TBC1D22A: variants seen among roughly 807,000 people sequenced by gnomAD.
TBC1D22A encodes the protein putative GTPase activator.
Under a neutral mutation model 60.2 loss-of-function variants are expected in TBC1D22A, and 38 were observed. That is an observed-to-expected ratio of 0.63 (90% CI 0.49 to 0.83). TBC1D22A has a LOEUF of 0.83. Ranked by LOEUF, TBC1D22A falls within the 40% of genes least tolerant of loss-of-function variation. The pLI is 0.00. For missense variants in TBC1D22A, 628 were observed against 701.0 expected (o/e 0.90, Z 1.18); for synonymous variants, 302 against 281.7 (o/e 1.07, Z -0.72).
At chr22:46,851,186 G>T (rs2087259497) in intron 4 of TBC1D22A, among the ~76,000 whole-genome samples, 1 of 152,236 alleles carries the variant, frequency 6.6e-6, no homozygotes, top group African/African-American at 2.4e-5. Flanking sequence ...TGGCTTTGCC[G>T]TGGGATGTCC....
chr22:47,082,575 A>G (rs981187358), intron 11 of TBC1D22A, among the ~76,000 whole-genome samples: 3 of 152,272 alleles, frequency 2.0e-5, no homozygotes, highest in Admixed American at 6.5e-5. Flanking sequence ...GAAGGTTCAG[A>G]TAGACACTGC....
chr22:46,787,005 A>G (rs962558375), intron 1 of TBC1D22A, among the ~76,000 whole-genome samples: 6 of 152,024 alleles, frequency 3.9e-5, no homozygotes, highest in African/African-American at 1.2e-4. Flanking sequence ...GCCTCTTTCC[A>G]TGTTATGTAT....
intron 8 of TBC1D22A, among the ~76,000 whole-genome samples, chr22:46,960,984 C>T (rs1272750021): frequency 6.9e-6 from 1 of 145,970 alleles, no homozygotes; most frequent in East Asian, 2.0e-4. Flanking sequence ...AAAAGATACC[C>T]AGTCCGTAGC....
intron 4 of TBC1D22A, among the ~76,000 whole-genome samples, chr22:46,841,994 G>T (rs766549734): frequency 6.6e-5 from 10 of 152,138 alleles, no homozygotes; most frequent in African/African-American, 9.7e-5. Flanking sequence ...CATCTGTTAA[G>T]CTGGAAAAAA....
intron 1 of TBC1D22A, among the ~76,000 whole-genome samples, chr22:46,791,667 G>A (rs1601877238): frequency 1.3e-5 from 2 of 151,890 alleles, no homozygotes; most frequent in Admixed American, 6.6e-5. Flanking sequence ...AGAGGTTGAT[G>A]AGTCAACCAA....
At chr22:46,792,357 C>A (rs1379484215) in intron 1 of TBC1D22A, among the ~76,000 whole-genome samples, 163 bp from the exon 2 acceptor site, 1 of 152,116 alleles carries the variant, frequency 6.6e-6, no homozygotes, top group African/African-American at 2.4e-5. Flanking sequence ...TGAACTGGGC[C>A]CTCAGGACCC....
chr22:47,058,970 C>T (rs761632634), intron 11 of TBC1D22A, among the ~76,000 whole-genome samples: 1 of 152,210 alleles, frequency 6.6e-6, no homozygotes, highest in Non-Finnish European at 1.5e-5. Flanking sequence ...GACCAGTCAT[C>T]ATCACACAAG....
chr22:46,911,507 G>T (rs935143018), intron 7 of TBC1D22A, among the ~76,000 whole-genome samples: 3 of 152,206 alleles, frequency 2.0e-5, no homozygotes, highest in African/African-American at 7.2e-5. Flanking sequence ...GCGGGGTGTG[G>T]AGGAGCAGAG....
At chr22:47,114,451 G>A (rs1201036296) in intron 12 of TBC1D22A, among the ~76,000 whole-genome samples, 10 of 152,018 alleles carry the variant, frequency 6.6e-5, no homozygotes. Flanking sequence ...GTGAGTGAGG[G>A]GTTGGATGGA....
At chr22:46,800,321 A>G (rs2084841991) in intron 4 of TBC1D22A, among the ~76,000 whole-genome samples, 1 of 152,168 alleles carries the variant, frequency 6.6e-6, no homozygotes, top group Non-Finnish European at 1.5e-5. Context: ...GTTCGCCTAG[A>G]GCACCAGGTG....
At chr22:46,773,916 G>A (rs1439827305) in intron 1 of TBC1D22A, 1 of 985,282 alleles carries the variant, frequency 1.0e-6, no homozygotes, top group Non-Finnish European at 1.2e-6. Flanking sequence ...CAAAGCTGGG[G>A]TTTGAACCTT....
At chr22:46,898,905 C>G (rs2068830222) in intron 7 of TBC1D22A, among the ~76,000 whole-genome samples, 2 of 152,174 alleles carry the variant, frequency 1.3e-5, no homozygotes, top group South Asian at 4.1e-4. Flanking sequence ...TTTTGAAATT[C>G]AATTTCCTTT....
At chr22:46,838,736 G>T (rs533383061) in intron 4 of TBC1D22A, among the ~76,000 whole-genome samples, 7 of 152,200 alleles carry the variant, frequency 4.6e-5, no homozygotes, top group East Asian at 3.9e-4. Context: ...TTTATCGCTG[G>T]GATGCAAGGA....
intron 1 of TBC1D22A, among the ~76,000 whole-genome samples, chr22:46,769,792 G>A (rs1170551582): frequency 6.6e-6 from 1 of 152,130 alleles, no homozygotes; most frequent in African/African-American, 2.4e-5. Context: ...CTTGAAGAGA[G>A]GGCGAGAGAG....
intron 4 of TBC1D22A, among the ~76,000 whole-genome samples, chr22:46,807,555 C>T (rs999119662): frequency 6.6e-6 from 1 of 152,160 alleles, no homozygotes; most frequent in African/African-American, 2.4e-5. Context: ...ACCTCTGCAG[C>T]GGCAGTGACC....
intron 12 of TBC1D22A, chr22:47,117,156 G>A (rs1363018511): frequency 3.2e-5 from 5 of 154,248 alleles, no homozygotes; most frequent in African/African-American, 4.8e-5. Context: ...TTGGCGCCGC[G>A]GGTGGATTGG....
At chr22:46,792,774 G>T (rs772416988) in intron 2 of TBC1D22A, 198 bp downstream of exon 2, 1 of 1,462,288 alleles carries the variant, frequency 6.8e-7, no homozygotes, top group East Asian at 2.5e-5. Context: ...TGAAGACGGC[G>T]GATGTGGGAG....
At chr22:46,897,036 C>T (rs1182903941) in intron 7 of TBC1D22A, among the ~76,000 whole-genome samples, 1 of 152,064 alleles carries the variant, frequency 6.6e-6, no homozygotes, top group Non-Finnish European at 1.5e-5. Flanking sequence ...ATTTTTAATG[C>T]TTTTCAGTGA....
At chr22:47,159,589 C>T (rs1408062601) in intron 12 of TBC1D22A, among the ~76,000 whole-genome samples, 1 of 151,694 alleles carries the variant, frequency 6.6e-6, no homozygotes, top group Admixed American at 6.6e-5. Flanking sequence ...CAGTTATGTA[C>T]ACGTATCACA....
Sources: gnomAD v4.1 joint callset for allele counts (sites outside exome capture counted in the v4.1 genomes callset) on GRCh38, gnomAD v4.1.1 for gene constraint, MANE v1.5 for transcripts, NCBI Gene and HGNC (gene_info 2026-07-23, HGNC 2026-07-21) for gene names.